Variants in LRRTM3 observed in about 807,000 individuals in gnomAD.
LRRTM3 encodes leucine-rich repeat transmembrane neuronal protein 3.
LRRTM3 carries 24 observed loss-of-function variants against 44.7 expected under a neutral mutation model. That is an observed-to-expected ratio of 0.54 (90% CI 0.39 to 0.76). LRRTM3 has a LOEUF of 0.76. Ranked by LOEUF, LRRTM3 falls within the 30% of genes least tolerant of loss-of-function variation. The probability of loss-of-function intolerance (pLI) is 0.00; values close to 1 mark genes in which losing one functional copy is unlikely to be tolerated. For synonymous variants in LRRTM3, 277 were observed against 278.7 expected (o/e 0.99, Z 0.06); for missense variants, 587 against 702.2 (o/e 0.84, Z 1.85).
rs1373989423 is a variant in LRRTM3 at position 66,926,059 on chromosome 10, T to C, written c.-525T>C. Reference sequence around the variant, plus strand: ...GCAACAGTCCGAGCAGCTTTCAGAATGACAGTCTGCAGAAGTGAGCTGAGC... The same window carrying C: ...GCAACAGTCCGAGCAGCTTTCAGAACGACAGTCTGCAGAAGTGAGCTGAGC... On this transcript the variant is annotated 5_prime_UTR_variant, in exon 1 of 3. The change abolishes an upstream ATG in the 5' untranslated region. Coordinates refer to ENST00000361320, the MANE Select transcript of LRRTM3 (RefSeq NM_178011.5). 2.2e-6 allele frequency: 1 copy of C among 457,234 alleles called. No individual in the cohort carries two copies. The highest frequency in any genetic ancestry group is 2.3e-5 in the Admixed American group (1 of 42,600). The allele number at this position is 457,234 out of a possible 1,614,324, so 28.3% of individuals were successfully genotyped here.
intron 2 of LRRTM3, among the ~76,000 whole-genome samples, chr10:67,037,790 G>A (rs1005788424): frequency 6.6e-6 from 1 of 152,122 alleles, no homozygotes; most frequent in South Asian, 2.1e-4. Context: ...ATACATGGAT[G>A]GTAGTTACAG....
At position 66,978,540 on chromosome 10, in the gene LRRTM3, A is replaced by ATAAAATAAAAATAAAAAAAAT. The variant is rs1362837260; in HGVS notation, c.1536+50088_1536+50089insTAAAATAAAAATAAAAAAAAT. Among the ~76,000 whole-genome samples the ATAAAATAAAAATAAAAAAAAT allele has an allele frequency of 2.5e-4, 21 of 82,902 alleles. No homozygotes were observed. In the South Asian group the frequency reaches 4.3e-3, roughly 17 times the overall value. The allele number at this position is 82,902 out of a possible 152,430, so 54.4% of individuals were successfully genotyped here. A position where few individuals can be genotyped will look rare whatever the true frequency, so the allele number is the denominator to read the frequency against. The stretch of plus-strand genomic sequence containing the variant: ...AGACTCCATCTCAAAAAAAAAAAAA[A>ATAAAATAAAAATAAAAAAAAT]AAAAAAAAAAAAATATATATATATA... On this transcript the variant is annotated intron_variant, in intron 2 of 2. Coordinates refer to ENST00000361320, the MANE Select transcript of LRRTM3 (RefSeq NM_178011.5).
At chr10:67,031,363 T>C (rs1212395115) in intron 2 of LRRTM3, among the ~76,000 whole-genome samples, 1 of 152,154 alleles carries the variant, frequency 6.6e-6, no homozygotes, top group Non-Finnish European at 1.5e-5. Context: ...AAAAAATCAG[T>C]GTCAGATCTA....
At chr10:66,933,710 A>T (rs186234681) in intron 2 of LRRTM3, among the ~76,000 whole-genome samples, 1 of 152,226 alleles carries the variant, frequency 6.6e-6, no homozygotes, top group African/African-American at 2.4e-5. Context: ...TTATTGAAAA[A>T]TCACTGGATA....
At chr10:66,932,002 G>A (rs899979005) in intron 2 of LRRTM3, among the ~76,000 whole-genome samples, 10 of 152,120 alleles carry the variant, frequency 6.6e-5, no homozygotes, top group African/African-American at 2.4e-4. Flanking sequence ...ACTGGTCAGG[G>A]ATATGTCAAA....
chr10:66,977,571 G>C (rs940659592), intron 2 of LRRTM3, among the ~76,000 whole-genome samples: 3 of 152,212 alleles, frequency 2.0e-5, no homozygotes, highest in Non-Finnish European at 4.4e-5. Context: ...ACTGTCACGT[G>C]TAAAATAGAA....
chr10:67,008,695 C>T (rs1321426018), intron 2 of LRRTM3, among the ~76,000 whole-genome samples: 1 of 152,144 alleles, frequency 6.6e-6, no homozygotes, highest in Non-Finnish European at 1.5e-5. Flanking sequence ...GCTAGGATAG[C>T]ACATCTCTGC....
chr10:66,949,432 C>T (rs567724654), intron 2 of LRRTM3, among the ~76,000 whole-genome samples: 1 of 152,242 alleles, frequency 6.6e-6, no homozygotes, highest in African/African-American at 2.4e-5. Flanking sequence ...TTGGCATATG[C>T]CTGTAATCCC....
chr10:67,080,938 A>AC (rs1298153853), intron 2 of LRRTM3, among the ~76,000 whole-genome samples: 7 of 34,296 alleles, frequency 2.0e-4, no homozygotes, highest in African/African-American at 1.6e-3. Flanking sequence ...AAAAACAACA[A>AC]AAAAAAAAAA....
intron 2 of LRRTM3, among the ~76,000 whole-genome samples, chr10:67,083,718 T>G (rs1477119461): frequency 6.6e-6 from 1 of 152,112 alleles, no homozygotes; most frequent in African/African-American, 2.4e-5. Flanking sequence ...TTCATGTCCC[T>G]TAATAAATAA....
rs1400925886 is a variant in LRRTM3 at position 67,101,551 on chromosome 10, A to G, written c.*3755A>G. 6.6e-6 allele frequency among the ~76,000 whole-genome samples: 1 copy of G among 151,694 alleles called. No individual in the cohort carries two copies. The highest frequency in any genetic ancestry group is 1.5e-5 in the Non-Finnish European group (1 of 67,800). On this transcript the variant is annotated 3_prime_UTR_variant, in exon 3 of 3. Coordinates refer to ENST00000361320, the MANE Select transcript of LRRTM3 (RefSeq NM_178011.5). ...AATAATATATTTTACTGATCAACTCATTTTTGTCAAGTCTCTATTTCTAGT... is the reference window on the plus strand; with the variant it reads ...AATAATATATTTTACTGATCAACTCGTTTTTGTCAAGTCTCTATTTCTAGT...
intron 2 of LRRTM3, among the ~76,000 whole-genome samples, chr10:66,937,964 G>A (rs767317620): frequency 1.3e-5 from 2 of 151,970 alleles, no homozygotes; most frequent in South Asian, 2.1e-4. Flanking sequence ...TTTGTATCAC[G>A]ATTTGAGGAA....
chr10:66,969,021 T>G (rs1849581789), intron 2 of LRRTM3, among the ~76,000 whole-genome samples: 1 of 151,700 alleles, frequency 6.6e-6, no homozygotes, highest in South Asian at 2.1e-4. Flanking sequence ...CATCTCAAAA[T>G]AAATAAATAA....
intron 2 of LRRTM3, among the ~76,000 whole-genome samples, chr10:67,066,195 C>CTTTT (rs71006118): frequency 0.12 from 14,416 of 122,850 alleles, 1,808 homozygotes; most frequent in African/African-American, 0.27. Context: ...AAGTCACTGG[C>CTTTT]TTTTTTTTTT....
intron 2 of LRRTM3, among the ~76,000 whole-genome samples, chr10:66,958,191 G>A (rs1848922392): frequency 6.6e-6 from 1 of 150,694 alleles, no homozygotes; most frequent in African/African-American, 2.4e-5. Flanking sequence ...AAAGAGAAAG[G>A]AAGAAAATAA....
chr10:67,099,459 T>C lies in LRRTM3; in HGVS notation c.*1663T>C, dbSNP rs1858208299. 1 of 151,924 alleles carries C rather than the reference T, an allele frequency of 6.6e-6. No individual in the cohort carries two copies. Among genetic ancestry groups the C allele is most frequent in the South Asian group, 2.1e-4 (1 of 4,824 alleles). The allele number at this position is 151,924 out of a possible 1,614,324, so 9.4% of individuals were successfully genotyped here. On this transcript the variant is annotated 3_prime_UTR_variant, in exon 3 of 3. Transcript: ENST00000361320. The stretch of plus-strand genomic sequence containing the variant: ...ATCTAACAGGGGCCAATCAAAACAA[T>C]GAAGAAAAGAATAACTGAAAACAAT...
intron 2 of LRRTM3, among the ~76,000 whole-genome samples, chr10:67,057,234 C>T (rs1039773917): frequency 1.3e-5 from 2 of 152,002 alleles, no homozygotes; most frequent in African/African-American, 4.8e-5. Flanking sequence ...AAATGATTGC[C>T]ACAATCAATT....
At chr10:67,085,778 A>G (rs911243763) in intron 2 of LRRTM3, among the ~76,000 whole-genome samples, 94 of 152,146 alleles carry the variant, frequency 6.2e-4, no homozygotes, top group African/African-American at 2.2e-3. Flanking sequence ...TCAAACTTTT[A>G]CTAATACGCA....
rs1451826240 is a variant in LRRTM3, at chr10:66,926,255, G to C, written c.-329G>C. On this transcript the variant is annotated 5_prime_UTR_variant, in exon 1 of 3. Coordinates refer to ENST00000361320, the MANE Select transcript of LRRTM3 (RefSeq NM_178011.5). ...GTTTTTCGATAAGAAGAAATTGTAG[G>C]ATCCAGTTTTTTTTTTAACCGCCCC... The C allele has an allele frequency of 2.0e-6, 1 of 503,462 alleles. No individual in the cohort carries two copies. The highest frequency in any genetic ancestry group is 3.6e-6 in the Non-Finnish European group (1 of 275,468). The allele number at this position is 503,462 out of a possible 1,614,324, so 31.2% of individuals were successfully genotyped here.
Sources: allele counts gnomAD v4.1 joint callset (sites outside exome capture counted in the v4.1 genomes callset), GRCh38; gene constraint gnomAD v4.1.1; transcripts MANE v1.5; gene names NCBI Gene and HGNC (gene_info 2026-07-23, HGNC 2026-07-21).